Variants in LOXL2 observed in about 807,000 individuals in gnomAD.
LOXL2 encodes the protein lysyl oxidase homolog 2.
LOXL2 carries 70 observed loss-of-function variants against 93.0 expected under a neutral mutation model. The observed-to-expected ratio is 0.75, with a 90% CI of 0.62 to 0.92. The LOEUF (loss-of-function observed/expected upper bound fraction) is 0.92, where lower values mean the gene tolerates loss of function less well. Among genes scored for constraint, LOXL2 ranks in the 40% least tolerant of loss-of-function variants. LOXL2 has a pLI of 0.00. For missense variants in LOXL2, 973 were observed against 1,054.9 expected (o/e 0.92, Z 1.08); for synonymous variants, 438 against 413.2 (o/e 1.06, Z -0.73).
rs1554475672 is a variant in LOXL2 at position 23,307,953 on chromosome 8, G to GAAA, written c.1880+1712_1880+1714dup. On this transcript the variant is annotated intron_variant, in intron 10 of 13. Transcript: ENST00000389131. ...GTGACTAGGTCATCAGCTGCGATATGAAAAAAAAAAAAAAAAAAAAGCCAA... is the reference window on the plus strand; with the variant it reads ...GTGACTAGGTCATCAGCTGCGATATGAAAAAAAAAAAAAAAAAAAAAAAGCCAA... Among the ~76,000 whole-genome samples, 239 of 83,538 alleles carry GAAA rather than the reference G, an allele frequency of 2.9e-3. 6 individuals carry two copies. Among genetic ancestry groups the GAAA allele is most frequent in the African/African-American group, 0.011 (235 of 21,098 alleles). The allele number at this position is 83,538 out of a possible 152,430, so 54.8% of individuals were successfully genotyped here. A position where few individuals can be genotyped will look rare whatever the true frequency, so the allele number is the denominator to read the frequency against.
intron 5 of LOXL2, among the ~76,000 whole-genome samples, chr8:23,330,332 TCAAAA>T (rs5890099): frequency 0.72 from 108,360 of 150,076 alleles, 39,496 homozygotes; most frequent in South Asian, 0.81. Context: ...AGACTCCGTC[TCAAAA>T]CAAAACAAAA....
At position 23,372,563 on chromosome 8, in the gene LOXL2, A is replaced by G. The variant is rs150612434; in HGVS notation, c.-83-4129T>C. On this transcript the variant is annotated intron_variant, in intron 1 of 13. Transcript: ENST00000389131. The stretch of plus-strand genomic sequence containing the variant: ...TAGAAGAGACACAGAGGCTTAATGT[A>G]AAAGGATGGAAACAGATATACCATG... Among the ~76,000 whole-genome samples, 120 of 152,278 alleles carry G rather than the reference A, an allele frequency of 7.9e-4. 1 individual carries two copies. The highest frequency in any genetic ancestry group is 6.6e-3 in the East Asian group (34 of 5,174).
At chr8:23,331,510 C>G (rs1563192481) in intron 5 of LOXL2, 1 of 152,192 alleles carries the variant, frequency 6.6e-6, no homozygotes, top group African/African-American at 2.4e-5. Context: ...GGGCATCAGC[C>G]CCTGAGAAAT....
intron 1 of LOXL2, among the ~76,000 whole-genome samples, chr8:23,385,550 A>C (rs893660344): frequency 3.3e-5 from 5 of 151,914 alleles, no homozygotes; most frequent in Non-Finnish European, 7.4e-5. Context: ...ATGAGCCACT[A>C]CACCCAGCCA....
At chr8:23,369,740 T>C (rs148898551) in intron 1 of LOXL2, among the ~76,000 whole-genome samples, 1 of 152,306 alleles carries the variant, frequency 6.6e-6, no homozygotes, top group Non-Finnish European at 1.5e-5. Flanking sequence ...ATGCTCATCC[T>C]GTGACTAACA....
intron 1 of LOXL2, among the ~76,000 whole-genome samples, chr8:23,371,544 A>C (rs1193449465): frequency 6.6e-6 from 1 of 151,826 alleles, no homozygotes; most frequent in Non-Finnish European, 1.5e-5. Flanking sequence ...CAAGGTCAGG[A>C]GATCAAGCCC....
chr8:23,299,578 TG>T (rs1267541937), intron 12 of LOXL2, among the ~76,000 whole-genome samples: 2 of 152,012 alleles, frequency 1.3e-5, no homozygotes, highest in Non-Finnish European at 2.9e-5. Context: ...GGACATATTC[TG>T]GGAGAGTGTC....
At chr8:23,397,640 T>C (rs1800108395) in intron 1 of LOXL2, among the ~76,000 whole-genome samples, 1 of 151,872 alleles carries the variant, frequency 6.6e-6, no homozygotes, top group African/African-American at 2.4e-5. Context: ...TAGCTGGGTA[T>C]GGTGGCGGGC....
chr8:23,317,061 T>C lies in LOXL2; in HGVS notation c.1524A>G (p.Gly508=). 1 of 1,614,192 alleles carries C rather than the reference T, an allele frequency of 6.2e-7. No individual in the cohort carries two copies. Among genetic ancestry groups the C allele is most frequent in the Non-Finnish European group, 8.5e-7 (1 of 1,180,024 alleles). ...DVNSNKVVMS[G]VKCSGTELSL... ...ACAGCTCCGTTCCCGAGCACTTCAC[T>C]CCACTCATGACCACTTTGTTGCTGT... Residue 508 remains glycine (G), a synonymous_variant, in exon 9 of 14, where the codon GGA becomes GGG. Transcript: ENST00000389131.
intron 4 of LOXL2, among the ~76,000 whole-genome samples, chr8:23,334,822 T>G (rs1342422482): frequency 2.4e-5 from 2 of 82,070 alleles, no homozygotes; most frequent in Non-Finnish European, 4.9e-5. Context: ...TTTGTTGTTG[T>G]TTTTTTTTTT....
intron 6 of LOXL2, among the ~76,000 whole-genome samples, chr8:23,325,869 C>T (rs1215547903): frequency 1.3e-5 from 2 of 152,198 alleles, no homozygotes; most frequent in African/African-American, 4.8e-5. Flanking sequence ...CTGACCAGGA[C>T]CTCATGTCTA....
At position 23,368,287 on chromosome 8, in the gene LOXL2, AGG is replaced by A. The variant is rs2117213847; in HGVS notation, c.63_64del (p.Leu22GlufsTer6). On this transcript the variant is annotated frameshift_variant, in exon 2 of 14. Transcript: ENST00000389131. LOFTEE classifies it high-confidence loss of function. ...CCAGCTGTCATACTGTGCCAGGCTC[AGG>A]GGGGACAGGAGGGCCAGCATAGCCA... 1 of 1,613,530 alleles carries A rather than the reference AGG, an allele frequency of 6.2e-7. No individual in the cohort carries two copies. Among genetic ancestry groups the A allele is most frequent in the South Asian group, 1.1e-5 (1 of 91,088 alleles).
At chr8:23,397,200 G>A (rs1271319737) in intron 1 of LOXL2, among the ~76,000 whole-genome samples, 5 of 148,246 alleles carry the variant, frequency 3.4e-5, no homozygotes, top group African/African-American at 7.5e-5. Flanking sequence ...GGGATTGGTC[G>A]GAGGGGGAGA....
At chr8:23,386,146 C>A (rs1804756862) in intron 1 of LOXL2, 1 of 699,006 alleles carries the variant, frequency 1.4e-6, no homozygotes, top group African/African-American at 1.7e-5. Context: ...AGCCAGATAC[C>A]AGAGCAGACA....
At chr8:23,300,136 C>T (rs575675676) in intron 12 of LOXL2, among the ~76,000 whole-genome samples, 185 of 152,372 alleles carry the variant, frequency 1.2e-3, no homozygotes, top group Non-Finnish European at 2.1e-3. Flanking sequence ...GCTCCTTGGC[C>T]GCCCAGGCGT....
chr8:23,340,312 C>T, intron 4 of LOXL2, among the ~76,000 whole-genome samples: 1 of 152,154 alleles, frequency 6.6e-6, no homozygotes. Context: ...GAGGGAGGAA[C>T]ACCCCATGAC....
intron 1 of LOXL2, among the ~76,000 whole-genome samples, chr8:23,397,339 T>C (rs770154835): frequency 7.2e-5 from 11 of 151,866 alleles, no homozygotes; most frequent in Non-Finnish European, 1.6e-4. Flanking sequence ...CACTTGAAAA[T>C]AGTTAAGATG....
intron 4 of LOXL2, among the ~76,000 whole-genome samples, chr8:23,333,991 G>A (rs563835252): frequency 2.6e-4 from 40 of 152,272 alleles, no homozygotes; most frequent in African/African-American, 8.2e-4. Flanking sequence ...CCTCACAGTC[G>A]AAGGTAAACC....
chr8:23,398,316 A>G (rs1047402960), intron 1 of LOXL2, among the ~76,000 whole-genome samples: 4 of 152,246 alleles, frequency 2.6e-5, no homozygotes, highest in Non-Finnish European at 5.9e-5. Context: ...ATCAAGGAGG[A>G]TATGTCTGTT....
Sources: allele counts gnomAD v4.1 joint callset (sites outside exome capture counted in the v4.1 genomes callset), GRCh38; gene constraint gnomAD v4.1.1; transcripts MANE v1.5; gene names NCBI Gene and HGNC (gene_info 2026-07-23, HGNC 2026-07-21).